The following POLK variants were observed in gnomAD, a reference collection of about 807,000 sequenced individuals.
The protein encoded by POLK is polymerase (DNA directed) kappa.
A neutral mutation model predicts 94.0 loss-of-function variants in POLK; 76 were observed. That is an observed-to-expected ratio of 0.81 (90% CI 0.67 to 0.98). The LOEUF (loss-of-function observed/expected upper bound fraction) is 0.98. POLK is among the 50% of genes least tolerant of loss of function. The pLI, the probability that POLK is intolerant of heterozygous loss-of-function variation, is 0.00. For missense variants in POLK, 954 were observed against 1,010.1 expected (o/e 0.94, Z 0.75); for synonymous variants, 349 against 325.4 (o/e 1.07, Z -0.78).
chr5:75,586,962 CCTCTTGGTTAACTAAAAAAAA>C, intron 9 of POLK, 43 bp from the exon 10 acceptor site: 1 of 1,128,842 alleles, frequency 8.9e-7, no homozygotes, highest in Non-Finnish European at 1.3e-6. Context: ...AATGTTAAAT[CCTCTTGGTTAACTAAAAAAAA>C]CTCAGTCTTT....
rs549730517 is a variant in POLK at position 75,565,380 on chromosome 5, T to G, written c.256-3960T>G. On this transcript the variant is annotated intron_variant, in intron 3 of 14. Transcript: ENST00000241436. ...TTACCCACCTTCTGAAGCCTACTTC[T>G]GTCAATTTGTCAAACTCATTCTCCA... 4.6e-5 allele frequency among the ~76,000 whole-genome samples: 7 copies of G among 152,298 alleles called. No individual in the cohort carries two copies. In the East Asian group the frequency reaches 1.4e-3, roughly 29 times the overall value.
At chr5:75,590,085 A>T (rs1407130629) in intron 10 of POLK, among the ~76,000 whole-genome samples, 1 of 152,170 alleles carries the variant, frequency 6.6e-6, no homozygotes, top group African/African-American at 2.4e-5. Flanking sequence ...GGTAATTTTA[A>T]TTATCTTTTT....
chr5:75,571,160 T>C (rs1771570266), intron 4 of POLK, among the ~76,000 whole-genome samples: 2 of 152,198 alleles, frequency 1.3e-5, no homozygotes, highest in Admixed American at 6.5e-5. Flanking sequence ...TTCAAAATTA[T>C]TGTTATATTT....
At chr5:75,594,716 A>G (rs1293734921) in intron 12 of POLK, among the ~76,000 whole-genome samples, 1 of 152,210 alleles carries the variant, frequency 6.6e-6, no homozygotes, top group Non-Finnish European at 1.5e-5. Flanking sequence ...TGTTGCTTAC[A>G]ATTTTCAGAA....
exon 7 of POLK, chr5:75,581,305 G>A (rs764827018): frequency 2.2e-5 from 35 of 1,613,644 alleles, no homozygotes; most frequent in Non-Finnish European, 2.8e-5. Flanking sequence ...CAGCCCCCAG[G>A]AGATCCTTTC....
intron 1 of POLK, among the ~76,000 whole-genome samples, chr5:75,514,752 C>T (rs779194952): frequency 1.3e-5 from 2 of 152,072 alleles, no homozygotes; most frequent in Non-Finnish European, 2.9e-5. Context: ...GTAGTCCTAG[C>T]TGCTCAGGGT....
chr5:75,520,354 G>A (rs922180623), intron 1 of POLK, among the ~76,000 whole-genome samples: 7 of 152,222 alleles, frequency 4.6e-5, no homozygotes, highest in Admixed American at 4.6e-4. Flanking sequence ...AGAGCATCCT[G>A]GGTTTATCTA....
chr5:75,609,329 T>G, the POLK span: 1 of 152,024 alleles, frequency 6.6e-6, no homozygotes, highest in South Asian at 2.1e-4. Context: ...AGTGGCACAA[T>G]CTTGGCTCAT....
chr5:75,525,198 A>T lies in POLK; in HGVS notation c.-14+13284A>T, dbSNP rs369969133. ...AGACAAGTCAACAGATGGTAACCCC[A>T]AGATGATCCAGATGTTGAACTATCT... On this transcript the variant is annotated intron_variant, in intron 1 of 14. Transcript: ENST00000241436. 1.9e-3 allele frequency among the ~76,000 whole-genome samples: 295 copies of T among 152,368 alleles called. 1 individual carries two copies. The highest frequency in any genetic ancestry group is 3.6e-3 in the Non-Finnish European group (246 of 68,030).
chr5:75,567,957 T>C (rs570980094), intron 3 of POLK, among the ~76,000 whole-genome samples: 41 of 152,322 alleles, frequency 2.7e-4, no homozygotes, highest in African/African-American at 9.4e-4. Flanking sequence ...AGAGGAGTTA[T>C]AGTTTTAACC....
chr5:75,603,041 C>G (rs2287710), downstream of POLK, among the ~76,000 whole-genome samples: 18,975 of 152,066 alleles, frequency 0.12, 1,299 homozygotes, highest in East Asian at 0.23. Flanking sequence ...GAACTTTGTG[C>G]TAAGAAAATG....
intron 1 of POLK, among the ~76,000 whole-genome samples, chr5:75,537,702 G>T (rs1460848077): frequency 1.3e-5 from 2 of 152,048 alleles, no homozygotes; most frequent in South Asian, 2.1e-4. Flanking sequence ...TTAGTTTGTT[G>T]TGCCTTTTGT....
intron 1 of POLK, among the ~76,000 whole-genome samples, chr5:75,544,234 C>A (rs1159356245): frequency 6.6e-6 from 1 of 152,134 alleles, no homozygotes; most frequent in East Asian, 1.9e-4. Flanking sequence ...TTTTAAAGGG[C>A]AAGGCAGCCA....
At chr5:75,609,066 T>C in the POLK span, 5 of 152,198 alleles carry the variant, frequency 3.3e-5, no homozygotes, top group Non-Finnish European at 7.4e-5. Context: ...TTTGGAGTTT[T>C]TGTCTCATCT....
intron 1 of POLK, among the ~76,000 whole-genome samples, chr5:75,524,157 T>G (rs908906047): frequency 6.6e-6 from 1 of 151,866 alleles, no homozygotes; most frequent in African/African-American, 2.4e-5. Context: ...AAAAAAACTT[T>G]CAGATTGTAA....
At chr5:75,589,651 T>C (rs1179654262) in intron 10 of POLK, among the ~76,000 whole-genome samples, 1 of 152,098 alleles carries the variant, frequency 6.6e-6, no homozygotes, top group Non-Finnish European at 1.5e-5. Context: ...GCTGACACAT[T>C]GGTTGCCACT....
At chr5:75,534,984 G>C (rs2112585754) in intron 1 of POLK, 1 of 152,290 alleles carries the variant, frequency 6.6e-6, no homozygotes, top group African/African-American at 2.4e-5. Flanking sequence ...GATGTGTGCG[G>C]ATTTGATGCT....
intron 12 of POLK, among the ~76,000 whole-genome samples, chr5:75,595,963 A>G (rs1367925535): frequency 6.6e-6 from 1 of 152,238 alleles, no homozygotes; most frequent in Non-Finnish European, 1.5e-5. Flanking sequence ...AGTTACTGGT[A>G]TTAATTTAAT....
chr5:75,511,056 T>C (rs576661946), upstream of POLK: 286 of 1,470,348 alleles, frequency 1.9e-4, 2 homozygotes, highest in Middle Eastern at 2.7e-3. Flanking sequence ...CCTCAGCGGA[T>C]TGCCTCGCTG....
Sources: allele counts gnomAD v4.1 joint callset (sites outside exome capture counted in the v4.1 genomes callset), GRCh38; gene constraint gnomAD v4.1.1; transcripts MANE v1.5; gene names NCBI Gene and HGNC (gene_info 2026-07-23, HGNC 2026-07-21).